C20orf204: variants seen among roughly 807,000 people sequenced by gnomAD.
The protein encoded by C20orf204 is uncharacterized protein C20orf204.
In C20orf204, 6 loss-of-function variants were observed where a neutral mutation model predicts 3.6. The ratio of observed to expected loss-of-function variants is 1.68; its 90% CI spans 0.92 to 3.31. The LOEUF (loss-of-function observed/expected upper bound fraction) is 3.31, where lower values mean the gene tolerates loss of function less well. Among genes scored for constraint, C20orf204 ranks in the 30% most tolerant of loss-of-function variants. The pLI is 0.00. For missense variants in C20orf204, 167 were observed against 89.7 expected (o/e 1.86, Z -3.48); for synonymous variants, 80 against 41.4 (o/e 1.93, Z -3.58).
chr20:64,038,596 T>G, intron 3 of C20orf204, 26 bp from the exon 4 acceptor site: 1 of 523,156 alleles, frequency 1.9e-6, no homozygotes, highest in Non-Finnish European at 3.3e-6. Context: ...GCCGTGCGCA[T>G]TCGCTGACCG....
intron 3 of C20orf204, 35 bp downstream of exon 3, chr20:64,038,483 C>T (rs1226528396): frequency 1.5e-6 from 1 of 687,826 alleles, no homozygotes; most frequent in Admixed American, 2.1e-5. Context: ...AGCCAGACCT[C>T]CCTTAACCCC....
intron 1 of C20orf204, chr20:64,037,075 C>T (rs544567045): frequency 2.6e-5 from 4 of 152,388 alleles, no homozygotes; most frequent in East Asian, 1.9e-4. Flanking sequence ...ACCTGGGGGC[C>T]GTCAGCTGTC....
intron 3 of C20orf204, 59 bp from the exon 4 acceptor site, chr20:64,038,563 C>CCCGGG (rs377676578): frequency 0.12 from 63,708 of 520,512 alleles, 4,887 homozygotes; most frequent in African/African-American, 0.26. Flanking sequence ...CGTCTCCCTT[C>CCCGGG]CCGGGCCGGG....
At chr20:64,038,592 C>G (rs760506162) in intron 3 of C20orf204, 30 bp from the exon 4 acceptor site, 15 of 522,524 alleles carry the variant, frequency 2.9e-5, no homozygotes, top group Non-Finnish European at 4.7e-5. Flanking sequence ...GGGGGCCGTG[C>G]GCATTCGCTG....
At chr20:64,038,581 CG>C in intron 3 of C20orf204, 40 bp from the exon 4 acceptor site, 2 of 509,654 alleles carry the variant, frequency 3.9e-6, no homozygotes, top group Non-Finnish European at 6.8e-6. Context: ...GGGCCGGGCG[CG>C]GGGGCCGTGC....
Position 64,038,008 on chromosome 20 carries a change from AGCGTCCCCGACGT to A in C20orf204, c.88_100del (p.Val30SerfsTer16), listed in dbSNP as rs2059344052. The stretch of plus-strand genomic sequence containing the variant: ...AAGCCGCGCCTATTCCCCGGCCTGC[AGCGTCCCCGACGT>A]GCTCCGCCACTATCGCGCCATCATC... On this transcript the variant is annotated frameshift_variant, in exon 2 of 4. Transcript: ENST00000636176. LOFTEE classifies it high-confidence loss of function. 4 of 517,668 alleles carry A rather than the reference AGCGTCCCCGACGT, an allele frequency of 7.7e-6. No homozygotes were observed. The highest frequency in any genetic ancestry group is 1.4e-5 in the Non-Finnish European group (4 of 295,438). 32.1% of individuals were successfully genotyped at this position (517,668 alleles called of 1,614,324 possible). A position where few individuals can be genotyped will look rare whatever the true frequency, so the allele number is the denominator to read the frequency against.
chr20:64,037,325 G>A (rs1187474719), intron 1 of C20orf204: 1 of 152,280 alleles, frequency 6.6e-6, no homozygotes, highest in Non-Finnish European at 1.5e-5. Context: ...CCCTGCCCCA[G>A]TTGGGTTGGG....
chr20:64,038,576 G>A, intron 3 of C20orf204, 46 bp from the exon 4 acceptor site: 1 of 516,392 alleles, frequency 1.9e-6, no homozygotes, highest in South Asian at 2.7e-5. Flanking sequence ...GGGCCGGGCC[G>A]GGCGCGGGGG....
At chr20:64,034,950 A>C (rs1449575822), upstream of C20orf204, 1 of 152,302 alleles carries the variant, frequency 6.6e-6, no homozygotes, top group Non-Finnish European at 1.5e-5. Context: ...TGAAATGGCC[A>C]GTGCTGGGTG....
upstream of C20orf204, among the ~76,000 whole-genome samples, chr20:64,033,877 G>C (rs1014732387): frequency 2.6e-5 from 4 of 152,206 alleles, no homozygotes; most frequent in African/African-American, 7.2e-5. Flanking sequence ...CTCATCTCCA[G>C]GTTGAACAGT....
upstream of C20orf204, among the ~76,000 whole-genome samples, chr20:64,033,974 C>T (rs918347600): frequency 1.3e-5 from 2 of 152,218 alleles, no homozygotes; most frequent in Non-Finnish European, 2.9e-5. Context: ...AAAGGACGTC[C>T]TCAGGCCTGG....
chr20:64,034,832 C>T (rs2145407095), upstream of C20orf204: 1 of 153,238 alleles, frequency 6.5e-6, no homozygotes, highest in South Asian at 2.0e-4. Flanking sequence ...CCAGCCCGGC[C>T]CTGTACAGAT....
Position 64,038,145 on chromosome 20 carries a change from T to A in C20orf204, c.222T>A (p.Thr74=), listed in dbSNP as rs1313458811. The part of the protein sequence containing the change: ...RHFHFIQKNL[T]RPGSSGRRGR... The stretch of plus-strand genomic sequence containing the variant: ...TTCATTTCATACAGAAAAACCTGAC[T>A]AGACCCGGGAGCTCGGGACGGCGGG... Residue 74 remains threonine (T), a synonymous_variant, in exon 2 of 4, where the codon ACT becomes ACA. Coordinates refer to ENST00000636176, the MANE Select transcript of C20orf204 (RefSeq NM_001387010.1). 4 of 572,428 alleles carry A rather than the reference T, an allele frequency of 7.0e-6. No homozygotes were observed. Among genetic ancestry groups the A allele is most frequent in the Non-Finnish European group, 1.3e-5 (4 of 315,868 alleles). The allele number at this position is 572,428 out of a possible 1,614,324, so 35.5% of individuals were successfully genotyped here.
Position 64,038,044 on chromosome 20 carries a change from A to T in C20orf204, c.121A>T (p.Ile41Phe). 1.9e-6 allele frequency: 1 copy of T among 516,996 alleles called. No homozygotes were observed. The highest frequency in any genetic ancestry group is 3.4e-6 in the Non-Finnish European group (1 of 293,516). The allele number at this position is 516,996 out of a possible 1,614,324, so 32.0% of individuals were successfully genotyped here. A position where few individuals can be genotyped will look rare whatever the true frequency, so the allele number is the denominator to read the frequency against. The change falls in exon 2 of 4, where the codon ATC becomes TTC. Residue 41 changes from isoleucine to phenylalanine, a missense_variant. Physicochemically the swap from Ile to Phe is conservative, Grantham distance 21 (BLOSUM62 0). Transcript: ENST00000636176. Reference protein sequence around the residue: ...PDVLRHYRAIIFEDLQAAVKW... With the variant: ...PDVLRHYRAIFFEDLQAAVKW... ...CGTGCTCCGCCACTATCGCGCCATC[A>T]TCTTCGAGGATCTGCAGGCCGCCGT...
chr20:64,037,134 G>T (rs988139021), intron 1 of C20orf204: 8 of 152,274 alleles, frequency 5.3e-5, no homozygotes, highest in Non-Finnish European at 5.9e-5. Flanking sequence ...CTCCATTTTG[G>T]GTCGGGGGAG....
chr20:64,033,897 C>T (rs1398852893), upstream of C20orf204, among the ~76,000 whole-genome samples: 1 of 152,194 alleles, frequency 6.6e-6, no homozygotes, highest in Non-Finnish European at 1.5e-5. Context: ...TGATGGTTCT[C>T]ATCTCTAGGT....
chr20:64,036,632 C>G (rs1349649947), intron 1 of C20orf204: 1 of 152,350 alleles, frequency 6.6e-6, no homozygotes, highest in Non-Finnish European at 1.5e-5. Context: ...CTGGGTGGGA[C>G]ACAGCAGGTG....
At position 64,038,869 on chromosome 20, in the gene C20orf204, C is replaced by T. The variant is rs376328190; in HGVS notation, c.*110C>T. On this transcript the variant is annotated 3_prime_UTR_variant, in exon 4 of 4. Transcript: ENST00000636176. ...TTGGTGACCTCGGCCCCTCGCTCGA[C>T]GCAGCCCGCGCTCCCCGGAGGGCCC... 1.4e-6 allele frequency: 1 copy of T among 730,324 alleles called. No homozygotes were observed. The highest frequency in any genetic ancestry group is 1.4e-5 in the South Asian group (1 of 69,292). The allele number at this position is 730,324 out of a possible 1,614,324, so 45.2% of individuals were successfully genotyped here.
chr20:64,038,168 G>C lies in C20orf204; in HGVS notation c.245G>C (p.Arg82Pro), dbSNP rs750371968. The C allele has an allele frequency of 1.0e-5, 6 of 591,126 alleles. No homozygotes were observed. The Middle Eastern group carries it at 1.4e-3, about 134-fold the overall frequency. 36.6% of individuals were successfully genotyped at this position (591,126 alleles called of 1,614,324 possible). A position where few individuals can be genotyped will look rare whatever the true frequency, so the allele number is the denominator to read the frequency against. Residue 82 changes from arginine to proline, a missense_variant, in exon 2 of 4, where the codon CGG becomes CCG. Physicochemically the swap from Arg to Pro is moderately radical, Grantham distance 103 (BLOSUM62 -2). Coordinates refer to ENST00000636176, the MANE Select transcript of C20orf204 (RefSeq NM_001387010.1). ...ACTAGACCCGGGAGCTCGGGACGGCGGGGACGGCCTCGGGCCTCCTGTGGC... is the reference window on the plus strand; with the variant it reads ...ACTAGACCCGGGAGCTCGGGACGGCCGGGACGGCCTCGGGCCTCCTGTGGC... ...NLTRPGSSGR[R>P]GRPRASCGAQ...
Sources: allele counts gnomAD v4.1 joint callset (sites outside exome capture counted in the v4.1 genomes callset), GRCh38; gene constraint gnomAD v4.1.1; transcripts MANE v1.5; gene names NCBI Gene and HGNC (gene_info 2026-07-23, HGNC 2026-07-21).